GRM3: variants seen among roughly 807,000 people sequenced by gnomAD.
The protein encoded by GRM3 is glutamate metabotropic receptor 3, also known as metabotropic glutamate receptor 3.
A neutral mutation model predicts 70.5 loss-of-function variants in GRM3; 26 were observed. The observed-to-expected ratio is 0.37, with a 90% CI of 0.27 to 0.51. The LOEUF (loss-of-function observed/expected upper bound fraction) is 0.51. Ranked by LOEUF, GRM3 falls within the 20% of genes least tolerant of loss-of-function variation. The pLI, the probability that GRM3 is intolerant of heterozygous loss-of-function variation, is 0.93. For missense variants in GRM3, 859 were observed against 1,123.8 expected (o/e 0.76, Z 3.37); for synonymous variants, 443 against 434.9 (o/e 1.02, Z -0.23).
rs185319452 is a variant in GRM3, at chr7:86,686,447, A to G, written c.-141+41575A>G. On this transcript the variant is annotated intron_variant, in intron 1 of 5. Transcript: ENST00000361669. ...AAAACTCCAAAAAAGGAAACAATAT[A>G]AATCACCAGGGGGTTGCAAAGATAT... Among the ~76,000 whole-genome samples, 29 of 152,366 alleles carry G rather than the reference A, an allele frequency of 1.9e-4. 1 individual carries two copies. The highest frequency in any genetic ancestry group is 1.8e-3 in the Admixed American group (28 of 15,302).
At chr7:86,837,066 G>T (rs896454221) in intron 3 of GRM3, among the ~76,000 whole-genome samples, 7 of 152,160 alleles carry the variant, frequency 4.6e-5, no homozygotes, top group Non-Finnish European at 7.3e-5. Flanking sequence ...AAGTCAAATT[G>T]TAGGGTGAGA....
intron 1 of GRM3, 58 bp from the exon 2 acceptor site, chr7:86,764,948 G>A (rs1009623936): frequency 1.8e-5 from 22 of 1,243,702 alleles, no homozygotes; most frequent in East Asian, 1.1e-4. Context: ...GGGCATGATC[G>A]ATGTAATCAC....
At chr7:86,655,245 A>G (rs802433) in intron 1 of GRM3, among the ~76,000 whole-genome samples, 100,097 of 151,952 alleles carry the variant, frequency 0.66, 33,345 homozygotes, top group East Asian at 0.87. Context: ...CCAAACCTAT[A>G]TTTAAGTCCA....
intron 3 of GRM3, among the ~76,000 whole-genome samples, chr7:86,803,154 C>T (rs1797719144): frequency 6.6e-6 from 1 of 152,096 alleles, no homozygotes; most frequent in South Asian, 2.1e-4. Context: ...AAAAGCAAGC[C>T]TTTAGATAAA....
chr7:86,721,449 T>C (rs1795460273), intron 1 of GRM3, among the ~76,000 whole-genome samples: 1 of 152,124 alleles, frequency 6.6e-6, no homozygotes. Context: ...AGTATTTCTA[T>C]AGCATATATT....
At chr7:86,733,406 A>G (rs1795784148) in intron 1 of GRM3, among the ~76,000 whole-genome samples, 1 of 151,958 alleles carries the variant, frequency 6.6e-6, no homozygotes, top group African/African-American at 2.4e-5. Context: ...TTAGACTCAG[A>G]AAATTATGGG....
At chr7:86,809,832 T>A (rs79845214) in intron 3 of GRM3, among the ~76,000 whole-genome samples, 5,795 of 152,024 alleles carry the variant, frequency 0.038, 136 homozygotes, top group East Asian at 0.065. Context: ...AAATTATCTG[T>A]TTGGTACTTT....
intron 1 of GRM3, among the ~76,000 whole-genome samples, chr7:86,650,500 G>C (rs114516492): frequency 0.013 from 2,011 of 152,130 alleles, 41 homozygotes; most frequent in African/African-American, 0.046. Flanking sequence ...GACTTCCCCA[G>C]GCTCAAGATC....
intron 3 of GRM3, among the ~76,000 whole-genome samples, chr7:86,810,699 T>A (rs561713906): frequency 2.0e-3 from 310 of 152,044 alleles, no homozygotes; most frequent in African/African-American, 7.0e-3. Flanking sequence ...TCAGGAGATG[T>A]GAGGTCTGCC....
At chr7:86,784,093 C>T (rs1201387875) in intron 2 of GRM3, 3 of 152,230 alleles carry the variant, frequency 2.0e-5, no homozygotes, top group Non-Finnish European at 4.4e-5. Context: ...GAGAATCTTT[C>T]CCACATTGCT....
At chr7:86,706,532 T>C (rs947595889) in intron 1 of GRM3, among the ~76,000 whole-genome samples, 1 of 152,022 alleles carries the variant, frequency 6.6e-6, no homozygotes, top group Non-Finnish European at 1.5e-5. Context: ...TGGTGGGCAG[T>C]ATGCTGATGT....
At chr7:86,663,191 T>TA (rs1282793684) in intron 1 of GRM3, among the ~76,000 whole-genome samples, 1 of 151,852 alleles carries the variant, frequency 6.6e-6, no homozygotes, top group Non-Finnish European at 1.5e-5. Flanking sequence ...TACTTATAGT[T>TA]ACACCTAGAA....
rs186924381 is a variant in GRM3 at position 86,710,837 on chromosome 7, A to G, written c.-140-54169A>G. On this transcript the variant is annotated intron_variant, in intron 1 of 5. Transcript: ENST00000361669. The stretch of plus-strand genomic sequence containing the variant: ...TACTATGTGTCAGTCAAATATAACA[A>G]TAAACCAAAAGGTAGATTGTTATTA... 2.2e-4 allele frequency among the ~76,000 whole-genome samples: 33 copies of G among 152,206 alleles called. 1 individual carries two copies. The highest frequency in any genetic ancestry group is 7.2e-4 in the African/African-American group (30 of 41,538).
At chr7:86,754,571 G>T (rs993616988) in intron 1 of GRM3, among the ~76,000 whole-genome samples, 2 of 152,066 alleles carry the variant, frequency 1.3e-5, no homozygotes, top group African/African-American at 4.8e-5. Flanking sequence ...CTATATGTAA[G>T]GGTATAAATG....
chr7:86,717,530 G>A (rs531479825), intron 1 of GRM3, among the ~76,000 whole-genome samples: 5 of 151,926 alleles, frequency 3.3e-5, no homozygotes, highest in East Asian at 1.9e-4. Context: ...AAAAATTTAC[G>A]AGACTATTAC....
chr7:86,682,221 C>T (rs1409178556), intron 1 of GRM3, among the ~76,000 whole-genome samples: 1 of 152,008 alleles, frequency 6.6e-6, no homozygotes, highest in Non-Finnish European at 1.5e-5. Context: ...TTAATTTTTC[C>T]TTCACAAAGG....
intron 1 of GRM3, among the ~76,000 whole-genome samples, chr7:86,663,246 G>A (rs1169486282): frequency 6.6e-6 from 1 of 151,820 alleles, no homozygotes; most frequent in Non-Finnish European, 1.5e-5. Flanking sequence ...GTAAGGGGTA[G>A]GCCAAGAGAA....
At chr7:86,717,258 G>A (rs972065695) in intron 1 of GRM3, among the ~76,000 whole-genome samples, 13 of 151,894 alleles carry the variant, frequency 8.6e-5, no homozygotes, top group Non-Finnish European at 1.8e-4. Flanking sequence ...AGATGTCATT[G>A]CCAAGAAATG....
intron 1 of GRM3, among the ~76,000 whole-genome samples, chr7:86,731,099 T>C (rs911466326): frequency 1.3e-5 from 2 of 151,896 alleles, no homozygotes; most frequent in South Asian, 2.1e-4. Context: ...ATTTCAATCA[T>C]TACGACAAGC....
Sources: gnomAD v4.1 joint callset for allele counts (sites outside exome capture counted in the v4.1 genomes callset) on GRCh38, gnomAD v4.1.1 for gene constraint, MANE v1.5 for transcripts, NCBI Gene and HGNC (gene_info 2026-07-23, HGNC 2026-07-21) for gene names.